Variants in INPP4B observed in about 807,000 individuals in gnomAD.
INPP4B encodes the protein inositol polyphosphate-4-phosphatase type II B, also known as inositol polyphosphate 4-phosphatase type II.
INPP4B carries 55 observed loss-of-function variants against 122.5 expected under a neutral mutation model. That is an observed-to-expected ratio of 0.45 (90% CI 0.36 to 0.56). The LOEUF is 0.56. Ranked by LOEUF, INPP4B falls within the 20% of genes least tolerant of loss-of-function variation. The pLI is 0.00. For missense variants in INPP4B, 1,000 were observed against 1,097.7 expected, an observed-to-expected ratio of 0.91 and a Z score of 1.26; for synonymous variants, 403 against 388.7, an observed-to-expected ratio of 1.04 and a Z score of -0.43.
chr4:142,497,837 T>C (rs1263499398), intron 2 of INPP4B, among the ~76,000 whole-genome samples: 1 of 152,018 alleles, frequency 6.6e-6, no homozygotes, highest in African/African-American at 2.4e-5. Flanking sequence ...TAACCTCCAT[T>C]AAGGAGTCCA....
In INPP4B at chr4:142,461,577, T is replaced by A. The variant is rs80236550; in HGVS notation, c.-127+1086A>T. Among the ~76,000 whole-genome samples the A allele has an allele frequency of 6.3e-3, 953 of 152,130 alleles. 14 individuals are homozygous for A. The highest frequency in any genetic ancestry group is 0.022 in the African/African-American group (899 of 41,502). ...GGAAAAAAATAAACCAATGAAGCAA[T>A]CAGATTTTTTCTGGCTTGCATTATC... On this transcript the variant is annotated intron_variant, in intron 3 of 25. Coordinates refer to ENST00000262992, the MANE Select transcript of INPP4B (RefSeq NM_001101669.3).
chr4:142,766,402 G>T (rs776103018), intron 1 of INPP4B, among the ~76,000 whole-genome samples: 49 of 151,758 alleles, frequency 3.2e-4, no homozygotes, highest in Non-Finnish European at 5.3e-4. Context: ...TTCTGAGATG[G>T]AGTCTCATTC....
At chr4:142,257,737 T>C (rs1737098484) in intron 11 of INPP4B, among the ~76,000 whole-genome samples, 1 of 152,232 alleles carries the variant, frequency 6.6e-6, no homozygotes, top group Admixed American at 6.5e-5. Context: ...TCTATGCTCA[T>C]GGGTAGGATG....
At chr4:142,049,423 T>G (rs1753279309) in intron 25 of INPP4B, among the ~76,000 whole-genome samples, 1 of 152,010 alleles carries the variant, frequency 6.6e-6, no homozygotes, top group Non-Finnish European at 1.5e-5. Context: ...TAAAGAAAAT[T>G]TATGCCTGAA....
intron 9 of INPP4B, among the ~76,000 whole-genome samples, chr4:142,283,342 C>T (rs554033149): frequency 5.9e-5 from 9 of 152,152 alleles, no homozygotes; most frequent in African/African-American, 2.2e-4. Flanking sequence ...ATTTGAGACA[C>T]TTATTTAGTG....
intron 7 of INPP4B, among the ~76,000 whole-genome samples, chr4:142,400,424 T>A (rs577240316): frequency 6.6e-6 from 1 of 152,318 alleles, no homozygotes; most frequent in South Asian, 2.1e-4. Flanking sequence ...AATATTATGA[T>A]CTTAATATAT....
intron 3 of INPP4B, among the ~76,000 whole-genome samples, chr4:142,461,625 C>T (rs577551414): frequency 2.6e-5 from 4 of 152,152 alleles, no homozygotes; most frequent in African/African-American, 7.2e-5. Flanking sequence ...AATTATCTAA[C>T]GTAGTTTAAT....
intron 9 of INPP4B, among the ~76,000 whole-genome samples, chr4:142,297,241 A>G (rs1759148017): frequency 6.6e-6 from 1 of 152,240 alleles, no homozygotes. Flanking sequence ...AAGCCATATG[A>G]TGCCAGAGTG....
chr4:142,169,133 CTTTA>C (rs1824285266), intron 16 of INPP4B, among the ~76,000 whole-genome samples: 3 of 151,478 alleles, frequency 2.0e-5, no homozygotes, highest in South Asian at 4.2e-4. Context: ...ACATTCTTAT[CTTTA>C]TTTTTCTTAT....
chr4:142,481,961 A>G (rs573733014), intron 2 of INPP4B, among the ~76,000 whole-genome samples: 17 of 152,264 alleles, frequency 1.1e-4, no homozygotes, highest in Non-Finnish European at 2.1e-4. Context: ...TTAAAAGCCA[A>G]ACTCCCTGCC....
chr4:142,354,231 G>C (rs1442349357), intron 7 of INPP4B, among the ~76,000 whole-genome samples: 1 of 151,888 alleles, frequency 6.6e-6, no homozygotes, highest in Admixed American at 6.6e-5. Flanking sequence ...AGAGCCTTGG[G>C]ACATGGGCTC....
chr4:142,342,079 G>T (rs1318077687), intron 7 of INPP4B, among the ~76,000 whole-genome samples: 1 of 152,076 alleles, frequency 6.6e-6, no homozygotes, highest in African/African-American at 2.4e-5. Context: ...GTGGTAATTT[G>T]TTATAATTTC....
At chr4:142,575,007 G>A (rs1402652205) in intron 2 of INPP4B, among the ~76,000 whole-genome samples, 1 of 152,022 alleles carries the variant, frequency 6.6e-6, no homozygotes, top group Admixed American at 6.6e-5. Context: ...ATAACATTTC[G>A]CTAGCACTGA....
At chr4:142,076,600 G>A (rs1770829526) in intron 25 of INPP4B, among the ~76,000 whole-genome samples, 1 of 151,924 alleles carries the variant, frequency 6.6e-6, no homozygotes, top group Admixed American at 6.6e-5. Flanking sequence ...AGCAATCATG[G>A]AAGACCTGTT....
intron 2 of INPP4B, among the ~76,000 whole-genome samples, chr4:142,717,292 C>T (rs1307798032): frequency 6.6e-6 from 1 of 152,198 alleles, no homozygotes; most frequent in Non-Finnish European, 1.5e-5. Context: ...ACATTAACTA[C>T]TTACTATGTA....
Position 142,145,928 on chromosome 4 carries a change from T to C in INPP4B, c.1632A>G (p.Glu544=). Reference sequence around the variant, plus strand: ...CACTGCCTTCACTGCCACCATCTCTTTCAATCAGTTTGTCCACCATAGCAA... The same window carrying C: ...CACTGCCTTCACTGCCACCATCTCTCTCAATCAGTTTGTCCACCATAGCAA... ...CIIAMVDKLI[E]RDGGSEGSGG... Residue 544 remains glutamate (E), a synonymous_variant, in exon 18 of 26, where the codon GAA becomes GAG. Coordinates refer to ENST00000262992, the MANE Select transcript of INPP4B (RefSeq NM_001101669.3). The C allele has an allele frequency of 6.2e-7, 1 of 1,613,954 alleles. No individual in the cohort carries two copies. The highest frequency in any genetic ancestry group is 8.5e-7 in the Non-Finnish European group (1 of 1,179,842).
intron 1 of INPP4B, among the ~76,000 whole-genome samples, chr4:142,763,861 A>G (rs551668247): frequency 2.6e-5 from 4 of 152,276 alleles, no homozygotes; most frequent in African/African-American, 7.2e-5. Context: ...AGCAATGTCA[A>G]TAGTCAAGAC....
At chr4:142,206,250 A>G (rs900228192) in intron 14 of INPP4B, among the ~76,000 whole-genome samples, 2 of 151,890 alleles carry the variant, frequency 1.3e-5, no homozygotes, top group South Asian at 2.1e-4. Flanking sequence ...TCACCTCCCA[A>G]CATTGTTGCA....
chr4:142,628,520 A>G (rs2150409365), intron 2 of INPP4B, among the ~76,000 whole-genome samples: 1 of 137,142 alleles, frequency 7.3e-6, no homozygotes, highest in South Asian at 2.6e-4. Context: ...TATGTGACTG[A>G]CCTGCACAAT....
Sources: allele counts gnomAD v4.1 joint callset (sites outside exome capture counted in the v4.1 genomes callset), GRCh38; gene constraint gnomAD v4.1.1; transcripts MANE v1.5; gene names NCBI Gene and HGNC (gene_info 2026-07-23, HGNC 2026-07-21).